AMPH: variants seen among roughly 807,000 people sequenced by gnomAD.
AMPH encodes amphiphysin, also known as amphiphysin (Stiff-Mann syndrome with breast cancer 128kD autoantigen).
AMPH carries 49 observed loss-of-function variants against 99.1 expected under a neutral mutation model. The observed-to-expected ratio is 0.49, with a 90% CI of 0.39 to 0.63. The LOEUF (loss-of-function observed/expected upper bound fraction) is 0.63. Ranked by LOEUF, AMPH falls within the 20% of genes least tolerant of loss-of-function variation. The pLI is 0.00. For synonymous variants in AMPH, 314 were observed against 317.3 expected, an observed-to-expected ratio of 0.99 and a Z score of 0.11; for missense variants, 759 against 863.4, an observed-to-expected ratio of 0.88 and a Z score of 1.52.
intron 11 of AMPH, among the ~76,000 whole-genome samples, chr7:38,453,164 T>G (rs1463847564): frequency 6.6e-6 from 1 of 152,112 alleles, no homozygotes; most frequent in East Asian, 1.9e-4. Context: ...CCTCCCCAGA[T>G]TAGAAGAAAA....
chr7:38,436,179 A>T, intron 12 of AMPH, 93 bp downstream of exon 12: 1 of 877,850 alleles, frequency 1.1e-6, no homozygotes, highest in Non-Finnish European at 1.9e-6. Flanking sequence ...AAAAATAGAT[A>T]GTAGTCATGA....
intron 2 of AMPH, among the ~76,000 whole-genome samples, chr7:38,504,555 A>C (rs1413278955): frequency 6.6e-6 from 1 of 152,202 alleles, no homozygotes. Flanking sequence ...ACTGGACCTC[A>C]GTTCCACTCG....
chr7:38,598,974 T>C (rs1733927855), intron 1 of AMPH, among the ~76,000 whole-genome samples: 1 of 152,190 alleles, frequency 6.6e-6, no homozygotes, highest in African/African-American at 2.4e-5. Context: ...TCCCTGAATA[T>C]AGCTTTGCTT....
At position 38,409,750 on chromosome 7, in the gene AMPH, T is replaced by G. The variant is rs369213347; in HGVS notation, c.1398+8075A>C. ...GCAGCACTGTTGCCATGGCAACGTC[T>G]GTTAGAACTAGCTCCATCACTTTCT... On this transcript the variant is annotated intron_variant, in intron 17 of 20. Transcript: ENST00000356264. Among the ~76,000 whole-genome samples, 4 of 152,322 alleles carry G rather than the reference T, an allele frequency of 2.6e-5. No homozygotes were observed. In the East Asian group the frequency reaches 5.8e-4, roughly 22 times the overall value.
chr7:38,608,710 T>C (rs924857981), intron 1 of AMPH, among the ~76,000 whole-genome samples: 13 of 152,142 alleles, frequency 8.5e-5, no homozygotes, highest in African/African-American at 3.1e-4. Context: ...CAAGAAGTGA[T>C]GGTGGAAGGC....
chr7:38,577,614 G>C (rs537649973), intron 1 of AMPH, among the ~76,000 whole-genome samples: 1 of 152,030 alleles, frequency 6.6e-6, no homozygotes, highest in East Asian at 1.9e-4. Context: ...GCAGCAAACA[G>C]CTGTTGAACA....
intron 12 of AMPH, among the ~76,000 whole-genome samples, chr7:38,436,062 C>G (rs1786247972): frequency 6.6e-6 from 1 of 152,172 alleles, no homozygotes; most frequent in Non-Finnish European, 1.5e-5. Flanking sequence ...TATGCCAGCT[C>G]TATGGGTAGA....
intron 20 of AMPH, among the ~76,000 whole-genome samples, chr7:38,385,395 G>A (rs1481052905): frequency 6.6e-6 from 1 of 152,112 alleles, no homozygotes; most frequent in Non-Finnish European, 1.5e-5. Flanking sequence ...ATGAGGCCAT[G>A]GAATATCTTA....
At chr7:38,456,561 G>T (rs1192622582) in intron 11 of AMPH, among the ~76,000 whole-genome samples, 2 of 152,278 alleles carry the variant, frequency 1.3e-5, no homozygotes, top group Middle Eastern at 3.4e-3. Flanking sequence ...ACCACAGGTG[G>T]CACCCACCAG....
intron 2 of AMPH, among the ~76,000 whole-genome samples, chr7:38,525,451 T>C (rs1211033345): frequency 6.9e-6 from 1 of 145,232 alleles, no homozygotes; most frequent in East Asian, 2.0e-4. Context: ...TGTGCGTGTG[T>C]GTGTGTGTGT....
At chr7:38,415,685 C>T (rs1374731330) in intron 17 of AMPH, among the ~76,000 whole-genome samples, 1 of 152,178 alleles carries the variant, frequency 6.6e-6, no homozygotes, top group Non-Finnish European at 1.5e-5. Flanking sequence ...GCAGCCACTA[C>T]TGATGACCAT....
intron 4 of AMPH, among the ~76,000 whole-genome samples, chr7:38,491,475 G>A (rs1788716806): frequency 6.6e-6 from 1 of 152,072 alleles, no homozygotes; most frequent in Non-Finnish European, 1.5e-5. Context: ...ATTCCACTAA[G>A]ACAGTTTGCT....
intron 12 of AMPH, 149 bp from the exon 13 acceptor site, chr7:38,432,361 A>G: frequency 1.5e-6 from 1 of 676,442 alleles, no homozygotes. Context: ...GAAGGAAATG[A>G]TCCATATCTG....
At chr7:38,627,925 T>A (rs1213991700) in intron 1 of AMPH, among the ~76,000 whole-genome samples, 3 of 152,160 alleles carry the variant, frequency 2.0e-5, no homozygotes, top group Non-Finnish European at 4.4e-5. Flanking sequence ...TGTAGCAGGA[T>A]CCTGACTAAT....
chr7:38,430,025 G>C (rs1170554198), intron 13 of AMPH, 160 bp from the exon 14 acceptor site: 2 of 652,428 alleles, frequency 3.1e-6, no homozygotes, highest in Admixed American at 3.7e-5. Context: ...AATGATTTTT[G>C]TTCCAAAATT....
chr7:38,442,880 GAC>G (rs1786608822), intron 11 of AMPH, among the ~76,000 whole-genome samples: 1 of 149,870 alleles, frequency 6.7e-6, no homozygotes, highest in African/African-American at 2.4e-5. Flanking sequence ...GAAAACAAAA[GAC>G]AGAGTGAGAA....
chr7:38,489,153 C>T (rs1424756814), intron 5 of AMPH, among the ~76,000 whole-genome samples: 1 of 152,056 alleles, frequency 6.6e-6, no homozygotes, highest in African/African-American at 2.4e-5. Context: ...TTATACAGAC[C>T]TCTGAAACAG....
chr7:38,525,269 TATATATATAG>T (rs1562806757), intron 2 of AMPH, among the ~76,000 whole-genome samples: 1 of 70,416 alleles, frequency 1.4e-5, no homozygotes, highest in Non-Finnish European at 2.9e-5. Context: ...TATATATATA[TATATATATAG>T]AGAGAGAGAG....
chr7:38,589,028 T>C (rs1438132190), intron 1 of AMPH, among the ~76,000 whole-genome samples: 2 of 152,290 alleles, frequency 1.3e-5, no homozygotes, highest in East Asian at 1.9e-4. Flanking sequence ...ATGATTTTAA[T>C]CATATAATTA....
Sources: gnomAD v4.1 joint callset for allele counts (sites outside exome capture counted in the v4.1 genomes callset) on GRCh38, gnomAD v4.1.1 for gene constraint, MANE v1.5 for transcripts, NCBI Gene and HGNC (gene_info 2026-07-23, HGNC 2026-07-21) for gene names.